The following GSE1 variants were observed in gnomAD, a reference collection of about 807,000 sequenced individuals.
The protein encoded by GSE1 is Gse1 coiled-coil protein, also known as genetic suppressor element 1.
Under a neutral mutation model 112.6 loss-of-function variants are expected in GSE1, and 32 were observed. The observed-to-expected ratio is 0.28, with a 90% confidence interval of 0.21 to 0.38. The LOEUF (loss-of-function observed/expected upper bound fraction) is 0.38, where lower values mean the gene tolerates loss of function less well. GSE1 is among the 10% of genes least tolerant of loss of function. The pLI is 1.00. For synonymous variants in GSE1, 1,115 were observed against 735.6 expected, an observed-to-expected ratio of 1.52 and a Z score of -8.35; for missense variants, 2,348 against 1,699.2, an observed-to-expected ratio of 1.38 and a Z score of -6.71.
chr16:85,378,011 G>A (rs760557351), intron 2 of GSE1, among the ~76,000 whole-genome samples: 6 of 152,202 alleles, frequency 3.9e-5, no homozygotes, highest in African/African-American at 1.4e-4. Context: ...TCTGCACCCC[G>A]GGCTTGGGAA....
chr16:85,508,979 C>T (rs1202829725), intron 2 of GSE1, among the ~76,000 whole-genome samples: 2 of 152,088 alleles, frequency 1.3e-5, no homozygotes, highest in African/African-American at 4.8e-5. Context: ...CTGGCTGGGT[C>T]ACAGTGGATA....
intron 2 of GSE1, among the ~76,000 whole-genome samples, chr16:85,635,353 C>T (rs570566829): frequency 1.3e-5 from 2 of 152,290 alleles, no homozygotes; most frequent in East Asian, 3.9e-4. Context: ...GGCAGGACCG[C>T]CAGAAAACCC....
intron 2 of GSE1, among the ~76,000 whole-genome samples, chr16:85,459,139 C>T (rs1305981911): frequency 2.0e-5 from 3 of 152,216 alleles, no homozygotes; most frequent in Non-Finnish European, 4.4e-5. Flanking sequence ...TGTGCTCATT[C>T]ACCCAGAAAG....
At chr16:85,513,116 G>T (rs1185424069) in intron 2 of GSE1, among the ~76,000 whole-genome samples, 1 of 152,114 alleles carries the variant, frequency 6.6e-6, no homozygotes, top group Non-Finnish European at 1.5e-5. Flanking sequence ...CAGCCCATCT[G>T]GGGAGCTCCT....
At chr16:85,545,843 C>T (rs766494760) in intron 2 of GSE1, among the ~76,000 whole-genome samples, 4 of 152,124 alleles carry the variant, frequency 2.6e-5, no homozygotes, top group South Asian at 2.1e-4. Context: ...AGTACAGTGG[C>T]GTGATCTCGG....
intron 2 of GSE1, among the ~76,000 whole-genome samples, chr16:85,394,257 C>A (rs1427807059): frequency 6.6e-6 from 1 of 152,158 alleles, no homozygotes; most frequent in Non-Finnish European, 1.5e-5. Flanking sequence ...ATTAAATGTT[C>A]ATAAATGTAG....
chr16:85,535,066 G>C (rs2044277213), intron 2 of GSE1, among the ~76,000 whole-genome samples: 1 of 152,180 alleles, frequency 6.6e-6, no homozygotes, highest in African/African-American at 2.4e-5. Flanking sequence ...GGTCTGAGCA[G>C]GGGACCCAGG....
chr16:85,375,391 C>T (rs557291268), intron 2 of GSE1, among the ~76,000 whole-genome samples: 2 of 152,284 alleles, frequency 1.3e-5, no homozygotes, highest in South Asian at 4.1e-4. Context: ...GGGAGGTTCC[C>T]GCCTCATCTT....
chr16:85,590,029 CGTGA>C (rs771370069), intron 1 of GSE1, among the ~76,000 whole-genome samples: 12 of 151,640 alleles, frequency 7.9e-5, no homozygotes, highest in South Asian at 2.1e-4. Context: ...GAACATGAGA[CGTGA>C]GTGTGAATGT....
At chr16:85,453,588 G>T (rs1365345960) in intron 2 of GSE1, among the ~76,000 whole-genome samples, 1 of 152,222 alleles carries the variant, frequency 6.6e-6, no homozygotes, top group East Asian at 1.9e-4. Context: ...AGCCCCAGCT[G>T]TTGAGGGCAG....
intron 2 of GSE1, among the ~76,000 whole-genome samples, chr16:85,485,946 C>A (rs2050822934): frequency 6.6e-6 from 1 of 152,228 alleles, no homozygotes; most frequent in South Asian, 2.1e-4. Context: ...AGGCCATGAG[C>A]CTGCACTGGC....
chr16:85,287,938 A>G (rs1174776319), intron 1 of GSE1, among the ~76,000 whole-genome samples: 2 of 152,186 alleles, frequency 1.3e-5, no homozygotes, highest in Non-Finnish European at 2.9e-5. Context: ...AATGGAGATC[A>G]TCATGAAATA....
At chr16:85,608,925 G>C (rs2047838728), upstream of GSE1, among the ~76,000 whole-genome samples, 1 of 152,232 alleles carries the variant, frequency 6.6e-6, no homozygotes, top group South Asian at 2.1e-4. Flanking sequence ...AACTGGCCAG[G>C]ATGGAGAAGG....
intron 1 of GSE1, among the ~76,000 whole-genome samples, chr16:85,561,853 A>G (rs2045536195): frequency 6.6e-6 from 1 of 152,168 alleles, no homozygotes; most frequent in South Asian, 2.1e-4. Context: ...TTTCCCACCC[A>G]TCTAAACTGC....
At chr16:85,528,916 C>T (rs2052456640) in intron 2 of GSE1, among the ~76,000 whole-genome samples, 1 of 152,112 alleles carries the variant, frequency 6.6e-6, no homozygotes, top group African/African-American at 2.4e-5. Flanking sequence ...GCCAGGAGAT[C>T]AGCGAGTGGG....
intron 2 of GSE1, chr16:85,463,166 G>A: frequency 1.0e-5 from 10 of 964,418 alleles, no homozygotes; most frequent in Non-Finnish European, 1.1e-5. Flanking sequence ...GGAGGGTGGG[G>A]GGTCCGGGAT....
chr16:85,432,750 C>T (rs1360171731), intron 2 of GSE1, among the ~76,000 whole-genome samples: 2 of 152,162 alleles, frequency 1.3e-5, no homozygotes, highest in African/African-American at 4.8e-5. Flanking sequence ...TCCTGAAATG[C>T]CCCCAGTTGA....
intron 2 of GSE1, among the ~76,000 whole-genome samples, chr16:85,475,690 C>T (rs945672160): frequency 5.9e-5 from 9 of 152,076 alleles, no homozygotes; most frequent in Non-Finnish European, 1.3e-4. Context: ...CAGGGGCCCT[C>T]TCCAGAGGGA....
intron 1 of GSE1, among the ~76,000 whole-genome samples, chr16:85,184,152 C>T (rs963620571): frequency 6.6e-6 from 1 of 152,196 alleles, no homozygotes; most frequent in Non-Finnish European, 1.5e-5. Flanking sequence ...AGAATTCTGC[C>T]TGGGGAGTTC....
Sources: gnomAD v4.1 joint callset for allele counts (sites outside exome capture counted in the v4.1 genomes callset) on GRCh38, gnomAD v4.1.1 for gene constraint, MANE v1.5 for transcripts, NCBI Gene and HGNC (gene_info 2026-07-23, HGNC 2026-07-21) for gene names.